The following EML6 variants were observed in gnomAD, a reference collection of about 807,000 sequenced individuals.
The protein encoded by EML6 is EMAP like 6.
In EML6, 154 loss-of-function variants were observed where a neutral mutation model predicts 240.1. The observed-to-expected ratio is 0.64, with a 90% CI of 0.56 to 0.73. The LOEUF (loss-of-function observed/expected upper bound fraction) is 0.73. Among genes scored for constraint, EML6 ranks in the 30% least tolerant of loss-of-function variants. The probability of loss-of-function intolerance (pLI) is 0.00; values close to 1 mark genes in which losing one functional copy is unlikely to be tolerated. For synonymous variants in EML6, 1,148 were observed against 899.0 expected, an observed-to-expected ratio of 1.28 and a Z score of -4.95; for missense variants, 2,964 against 2,474.6, an observed-to-expected ratio of 1.20 and a Z score of -4.20.
chr2:54,752,881 C>G (rs113453004), intron 2 of EML6, among the ~76,000 whole-genome samples: 3,360 of 152,268 alleles, frequency 0.022, 143 homozygotes, highest in African/African-American at 0.072. Context: ...CTCTGCCTCC[C>G]AGGTTCAAGC....
chr2:54,810,809 A>G (rs148507578), intron 2 of EML6, among the ~76,000 whole-genome samples: 4 of 152,254 alleles, frequency 2.6e-5, no homozygotes, highest in South Asian at 2.1e-4. Flanking sequence ...GGAGCATACA[A>G]TCTAGTCAAT....
chr2:54,737,780 C>G (rs939358351), intron 2 of EML6, among the ~76,000 whole-genome samples: 6 of 152,194 alleles, frequency 3.9e-5, no homozygotes, highest in African/African-American at 1.4e-4. Context: ...GCCTTGAACC[C>G]TCAGAGGAAA....
intron 17 of EML6, among the ~76,000 whole-genome samples, chr2:54,885,120 G>A (rs1672054990): frequency 6.6e-6 from 1 of 152,104 alleles, no homozygotes; most frequent in Non-Finnish European, 1.5e-5. Context: ...TTGCGCCACT[G>A]CACTCCAGCC....
chr2:54,747,081 G>A (rs1051604033), intron 2 of EML6: 3 of 152,166 alleles, frequency 2.0e-5, no homozygotes, highest in Non-Finnish European at 4.4e-5. Context: ...TTTCCCTTGT[G>A]TTCACAGGAA....
chr2:54,873,161 T>G (rs1038463855), intron 16 of EML6, among the ~76,000 whole-genome samples: 5 of 152,260 alleles, frequency 3.3e-5, no homozygotes, highest in African/African-American at 1.2e-4. Context: ...GGGTGAAAAC[T>G]ACCTTCATTG....
intron 34 of EML6, among the ~76,000 whole-genome samples, chr2:54,959,693 C>T (rs186548040): frequency 6.6e-6 from 1 of 152,052 alleles, no homozygotes; most frequent in Non-Finnish European, 1.5e-5. Context: ...ACCCAGGAAG[C>T]GGAGGTTGCA....
At chr2:54,917,331 G>A (rs1049501485) in intron 26 of EML6, among the ~76,000 whole-genome samples, 1 of 148,102 alleles carries the variant, frequency 6.8e-6, no homozygotes, top group African/African-American at 2.5e-5. Context: ...ATCTTGAGCT[G>A]AATTCTCTTC....
At chr2:54,868,890 C>G (rs1366143896) in intron 14 of EML6, 1 of 313,252 alleles carries the variant, frequency 3.2e-6, no homozygotes, top group Non-Finnish European at 5.9e-6. Flanking sequence ...ATACCTGTGC[C>G]TCATCACAGA....
At chr2:54,752,857 C>T (rs147335101) in intron 2 of EML6, among the ~76,000 whole-genome samples, 3,781 of 152,228 alleles carry the variant, frequency 0.025, 161 homozygotes, top group African/African-American at 0.086. Context: ...GGCACGATCA[C>T]GGCTTACTGC....
intron 25 of EML6, among the ~76,000 whole-genome samples, chr2:54,913,708 G>C (rs1396679115): frequency 6.6e-6 from 1 of 152,110 alleles, no homozygotes; most frequent in Non-Finnish European, 1.5e-5. Context: ...TTGCTTTTGA[G>C]GACTTAGTCA....
chr2:54,829,611 T>A, intron 7 of EML6, 134 bp downstream of exon 7: 1 of 640,782 alleles, frequency 1.6e-6, no homozygotes, highest in Non-Finnish European at 2.5e-6. Flanking sequence ...AGCAAAAGTA[T>A]GTTAAAAGTA....
chr2:54,800,585 C>G (rs186004734), intron 2 of EML6, among the ~76,000 whole-genome samples: 4 of 152,206 alleles, frequency 2.6e-5, no homozygotes, highest in South Asian at 4.2e-4. Flanking sequence ...AAAGATATAA[C>G]GGCACCCTCC....
At chr2:54,964,230 C>A (rs1276296414) in intron 37 of EML6, 72 bp downstream of exon 37, 1 of 1,456,776 alleles carries the variant, frequency 6.9e-7, no homozygotes, top group Non-Finnish European at 9.2e-7. Context: ...CCCATTCCAG[C>A]CACGGCTGGA....
chr2:54,919,545 A>G (rs1266687685), intron 26 of EML6, among the ~76,000 whole-genome samples: 2 of 152,168 alleles, frequency 1.3e-5, no homozygotes, highest in Admixed American at 1.3e-4. Context: ...CCGCCTGGCA[A>G]CCTTCTGCCA....
intron 17 of EML6, among the ~76,000 whole-genome samples, chr2:54,886,576 C>T (rs1027764993): frequency 3.8e-4 from 58 of 152,208 alleles, no homozygotes; most frequent in African/African-American, 1.2e-3. Flanking sequence ...ATGTTAAACA[C>T]AGGCCTCCAA....
intron 19 of EML6, among the ~76,000 whole-genome samples, 165 bp downstream of exon 19, chr2:54,892,821 T>C (rs546015170): frequency 6.6e-6 from 1 of 152,354 alleles, no homozygotes; most frequent in Non-Finnish European, 1.5e-5. Context: ...AAAGCAAAGA[T>C]ATTTTTATAA....
chr2:54,922,844 T>C (rs187221590), intron 26 of EML6, among the ~76,000 whole-genome samples: 1 of 151,928 alleles, frequency 6.6e-6, no homozygotes, highest in Admixed American at 6.6e-5. Context: ...GCTAAAAAAG[T>C]TGAACTCACA....
At chr2:54,865,332 A>AAG (rs781339928) in intron 13 of EML6, among the ~76,000 whole-genome samples, 3 of 151,342 alleles carry the variant, frequency 2.0e-5, no homozygotes, top group Non-Finnish European at 4.4e-5. Flanking sequence ...AAAAAAAAAA[A>AAG]AAAACTGCTG....
chr2:54,937,553 T>TAAAAAAAAA, intron 28 of EML6, among the ~76,000 whole-genome samples: 1 of 68,152 alleles, frequency 1.5e-5, no homozygotes, highest in Non-Finnish European at 2.6e-5. Context: ...ACTCTGTCTT[T>TAAAAAAAAA]AAAAAAAAAA....
Sources: allele counts gnomAD v4.1 joint callset (sites outside exome capture counted in the v4.1 genomes callset), GRCh38; gene constraint gnomAD v4.1.1; transcripts MANE v1.5; gene names NCBI Gene and HGNC (gene_info 2026-07-23, HGNC 2026-07-21).